PRKD1: variants seen among roughly 807,000 people sequenced by gnomAD.
The protein encoded by PRKD1 is protein kinase D1.
PRKD1 carries 63 observed loss-of-function variants against 95.9 expected under a neutral mutation model. The ratio of observed to expected loss-of-function variants is 0.66; its 90% CI spans 0.54 to 0.81. The LOEUF (loss-of-function observed/expected upper bound fraction) is 0.81. Ranked by LOEUF, PRKD1 falls within the 30% of genes least tolerant of loss-of-function variation. The pLI, the probability that PRKD1 is intolerant of heterozygous loss-of-function variation, is 0.00. For synonymous variants in PRKD1, 425 were observed against 423.1 expected (o/e 1.00, Z -0.05); for missense variants, 1,048 against 1,165.3 (o/e 0.90, Z 1.47).
At chr14:29,696,456 A>T (rs917102437) in intron 2 of PRKD1, among the ~76,000 whole-genome samples, 3 of 152,116 alleles carry the variant, frequency 2.0e-5, no homozygotes, top group Non-Finnish European at 4.4e-5. Flanking sequence ...TATGTTTCAC[A>T]TTTTCTACTA....
At chr14:29,798,574 C>T (rs546975733) in intron 1 of PRKD1, among the ~76,000 whole-genome samples, 4 of 152,102 alleles carry the variant, frequency 2.6e-5, no homozygotes, top group East Asian at 3.9e-4. Context: ...ATGATTATTG[C>T]CCATGTTAAT....
At chr14:29,860,580 T>C (rs1208016917) in intron 1 of PRKD1, among the ~76,000 whole-genome samples, 1 of 152,204 alleles carries the variant, frequency 6.6e-6, no homozygotes, top group African/African-American at 2.4e-5. Flanking sequence ...CCAGAGCTGA[T>C]ACAGGAAGAT....
intron 1 of PRKD1, among the ~76,000 whole-genome samples, chr14:29,823,630 A>C (rs2139274712): frequency 6.6e-6 from 1 of 152,268 alleles, no homozygotes; most frequent in South Asian, 2.1e-4. Flanking sequence ...TATACAACCG[A>C]CCACTGACAT....
chr14:29,616,424 C>G lies in PRKD1; in HGVS notation c.1905+7728G>C, dbSNP rs371165492. ...ACGCAGCCTAGATAAATCAAGACCA[C>G]ATTTTGTTGTTATCGTTTATGGTTT... On this transcript the variant is annotated intron_variant, in intron 13 of 17. Coordinates refer to ENST00000331968, the MANE Select transcript of PRKD1 (RefSeq NM_002742.3). 3.5e-5 allele frequency among the ~76,000 whole-genome samples: 5 copies of G among 143,582 alleles called. No individual in the cohort carries two copies. The South Asian group carries it at 6.7e-4, about 19-fold the overall frequency. The allele number at this position is 143,582 out of a possible 152,430, so 94.2% of individuals were successfully genotyped here. A position where few individuals can be genotyped will look rare whatever the true frequency, so the allele number is the denominator to read the frequency against.
intron 1 of PRKD1, among the ~76,000 whole-genome samples, chr14:29,819,187 A>T (rs1890808342): frequency 6.6e-6 from 1 of 152,200 alleles, no homozygotes; most frequent in African/African-American, 2.4e-5. Flanking sequence ...AATTGATAAA[A>T]CTGAAATATA....
chr14:29,777,748 T>C (rs1334119043), intron 1 of PRKD1, among the ~76,000 whole-genome samples: 1 of 152,122 alleles, frequency 6.6e-6, no homozygotes, highest in Non-Finnish European at 1.5e-5. Context: ...GACAGAAAGT[T>C]ACCAAGGATA....
intron 1 of PRKD1, among the ~76,000 whole-genome samples, chr14:29,815,516 A>G (rs28408965): frequency 0.03 from 4,507 of 152,320 alleles, 196 homozygotes; most frequent in African/African-American, 0.088. Context: ...ATTTATTGAT[A>G]GTAGTCTAAC....
chr14:29,624,243 G>T lies in PRKD1; in HGVS notation c.1814C>A (p.Thr605Lys). The T allele has an allele frequency of 6.3e-7, 1 of 1,595,928 alleles. No individual in the cohort carries two copies. The highest frequency in any genetic ancestry group is 8.5e-7 in the Non-Finnish European group (1 of 1,170,862). Residue 605 changes from threonine to lysine, a missense_variant, in exon 13 of 18, where the codon ACA becomes AAA. Around this residue, in one of 3 missense-constraint regions of PRKD1, gnomAD observed 739 missense variants for 861.9 expected, o/e 0.86. Coordinates refer to ENST00000331968, the MANE Select transcript of PRKD1 (RefSeq NM_002742.3). ...GATTTTAATAGCTACATCTCTTCCT[G>T]TTTTACGATGTTTTCCTTTAAAATG... ...GIVYGGKHRK[T>K]GRDVAIKIID... is the part of the protein sequence containing the mutation.
rs566814846 is a variant in PRKD1 at position 29,808,129 on chromosome 14, T to C, written c.265-82455A>G. 1.2e-3 allele frequency among the ~76,000 whole-genome samples: 188 copies of C among 152,288 alleles called. 3 individuals are homozygous for C. Among genetic ancestry groups the C allele is most frequent in the Admixed American group, 1.4e-3 (22 of 15,288 alleles). Reference sequence around the variant, plus strand: ...CTTTTTGATGGCATTTTACCCACAGTAGAGTGTCTTTCAAAATTGGAGTCA... The same window carrying C: ...CTTTTTGATGGCATTTTACCCACAGCAGAGTGTCTTTCAAAATTGGAGTCA... On this transcript the variant is annotated intron_variant, in intron 1 of 17. Transcript: ENST00000331968.
rs1566461205 is a variant in PRKD1 at position 29,577,238 on chromosome 14, T to A, written c.2739A>T (p.Ter913CysextTer21). 1.6e-5 allele frequency: 26 copies of A among 1,610,284 alleles called. No individual in the cohort carries two copies. The highest frequency in any genetic ancestry group is 2.0e-5 in the Non-Finnish European group (24 of 1,177,228). The change falls in exon 18 of 18, where the codon TGA becomes TGT. Residue 913 changes from the stop codon to cysteine, a stop_lost. Coordinates refer to ENST00000331968, the MANE Select transcript of PRKD1 (RefSeq NM_002742.3). ...KALGERVSIL[*>C] ...TTTGACAGATTATAGGAGATGGAAC[T>A]CAGAGGATGCTGACACGCTCACCGA...
chr14:29,909,831 G>A (rs1038718311), intron 1 of PRKD1, among the ~76,000 whole-genome samples: 1 of 152,160 alleles, frequency 6.6e-6, no homozygotes, highest in Non-Finnish European at 1.5e-5. Flanking sequence ...CCTGTGTCTA[G>A]CTCAAGGTTT....
intron 16 of PRKD1, among the ~76,000 whole-genome samples, chr14:29,586,545 AT>A (rs2138971467): frequency 6.6e-6 from 1 of 152,312 alleles, no homozygotes; most frequent in South Asian, 2.1e-4. Flanking sequence ...GTATGATCGT[AT>A]TTCTTATCCC....
chr14:29,648,947 C>A (rs763166990), intron 4 of PRKD1, among the ~76,000 whole-genome samples: 2 of 151,760 alleles, frequency 1.3e-5, no homozygotes, highest in Non-Finnish European at 2.9e-5. Context: ...AGCCACCATG[C>A]CCGGCCTGGC....
intron 13 of PRKD1, among the ~76,000 whole-genome samples, chr14:29,619,536 T>C (rs1300160526): frequency 6.6e-6 from 1 of 152,170 alleles, no homozygotes; most frequent in Non-Finnish European, 1.5e-5. Flanking sequence ...ATTCTAGTGG[T>C]AGAGCCAAGG....
intron 2 of PRKD1, among the ~76,000 whole-genome samples, chr14:29,703,251 G>C (rs991402962): frequency 1.3e-5 from 2 of 152,082 alleles, no homozygotes; most frequent in African/African-American, 4.8e-5. Flanking sequence ...ACTAGACTTT[G>C]GAATAAAGTT....
In PRKD1 at chr14:29,578,264, T is replaced by C. The variant is rs745959147; in HGVS notation, c.2520+11A>G. The C allele has an allele frequency of 6.3e-7, 1 of 1,576,530 alleles. No individual in the cohort carries two copies. On this transcript the variant is annotated intron_variant, in intron 17 of 17. Transcript: ENST00000331968. ...TCATTCAACTAAGAAAACTCAGTGATTATTGTTTACCTGTAGCCAAGGGTG... is the reference window on the plus strand; with the variant it reads ...TCATTCAACTAAGAAAACTCAGTGACTATTGTTTACCTGTAGCCAAGGGTG...
At chr14:29,637,547 T>G (rs1436228159) in intron 6 of PRKD1, among the ~76,000 whole-genome samples, 1 of 152,174 alleles carries the variant, frequency 6.6e-6, no homozygotes, top group African/African-American at 2.4e-5. Context: ...CCCTTAGTTA[T>G]AGTTATCCAG....
intron 2 of PRKD1, among the ~76,000 whole-genome samples, chr14:29,671,682 T>C (rs1186252798): frequency 6.6e-6 from 1 of 152,190 alleles, no homozygotes; most frequent in Non-Finnish European, 1.5e-5. Flanking sequence ...AAAGAAATTA[T>C]TTTCAATAGG....
chr14:29,640,953 G>A (rs1011571097), intron 4 of PRKD1, among the ~76,000 whole-genome samples: 1 of 152,046 alleles, frequency 6.6e-6, no homozygotes, highest in African/African-American at 2.4e-5. Flanking sequence ...AAGCAAGAGG[G>A]AATCTAGTAA....
Sources: allele counts gnomAD v4.1 joint callset (sites outside exome capture counted in the v4.1 genomes callset), GRCh38; gene constraint gnomAD v4.1.1; regional missense constraint gnomAD v4.1.1; transcripts MANE v1.5; gene names NCBI Gene and HGNC (gene_info 2026-07-23, HGNC 2026-07-21).